TIMD4: variants seen among roughly 807,000 people sequenced by gnomAD.
TIMD4 encodes the protein T cell immunoglobulin and mucin domain containing 4.
A neutral mutation model predicts 41.2 loss-of-function variants in TIMD4; 31 were observed. The observed-to-expected ratio is 0.75, with a 90% confidence interval of 0.57 to 1.01. The LOEUF (loss-of-function observed/expected upper bound fraction) is 1.01, where lower values mean the gene tolerates loss of function less well. TIMD4 is among the 50% of genes least tolerant of loss of function. The pLI is 0.00. For missense variants in TIMD4, 479 were observed against 472.5 expected, an observed-to-expected ratio of 1.01 and a Z score of -0.13; for synonymous variants, 204 against 177.1, an observed-to-expected ratio of 1.15 and a Z score of -1.21.
At position 156,922,572 on chromosome 5, in the gene TIMD4, G is replaced by A. The variant is rs555896548; in HGVS notation, c.895-356C>T. ...CTGACTTAGGCTTCTAGAGAAAACA[G>A]GATGAAAGAGAAAATGAAACTTAAT... is the stretch of plus-strand genomic sequence containing the variant. On this transcript the variant is annotated intron_variant, in intron 6 of 8. Transcript: ENST00000274532. 5.3e-5 allele frequency among the ~76,000 whole-genome samples: 8 copies of A among 152,284 alleles called. No homozygotes were observed. The East Asian group carries it at 1.5e-3, about 29-fold the overall frequency.
chr5:156,920,205 A>G (rs1000728481), intron 8 of TIMD4, among the ~76,000 whole-genome samples: 1 of 152,208 alleles, frequency 6.6e-6, no homozygotes, highest in African/African-American at 2.4e-5. Flanking sequence ...GTAAAGTGCC[A>G]TATCACCTTC....
chr5:156,926,451 CTATT>C (rs1347976612), intron 5 of TIMD4, 139 bp from the exon 6 acceptor site: 2 of 780,634 alleles, frequency 2.6e-6, no homozygotes, highest in Non-Finnish European at 4.1e-6. Context: ...TTTGTATAAT[CTATT>C]TATGCATATT....
At position 156,951,007 on chromosome 5, in the gene TIMD4, T is replaced by TACACACACAC. The variant is rs3068099; in HGVS notation, c.679+495_679+504dup. The stretch of plus-strand genomic sequence containing the variant: ...ACAATTTGGTGAAAACACCTCCTCG[T>TACACACACAC]ACACACACACACACACACACACACC... On this transcript the variant is annotated intron_variant, in intron 3 of 8. Transcript: ENST00000274532. Among the ~76,000 whole-genome samples, 195 of 149,474 alleles carry TACACACACAC rather than the reference T, an allele frequency of 1.3e-3. 2 individuals carry two copies. Among genetic ancestry groups the TACACACACAC allele is most frequent in the African/African-American group, 3.7e-3 (151 of 40,876 alleles).
chr5:156,959,006 C>A (rs1760032981), intron 1 of TIMD4, among the ~76,000 whole-genome samples: 1 of 152,080 alleles, frequency 6.6e-6, no homozygotes, highest in South Asian at 2.1e-4. Context: ...TGGGCTCAGA[C>A]TTTTGAAAGT....
intron 5 of TIMD4, among the ~76,000 whole-genome samples, chr5:156,944,288 G>A (rs1381479497): frequency 6.6e-6 from 1 of 152,100 alleles, no homozygotes; most frequent in Non-Finnish European, 1.5e-5. Context: ...AGAATATTTA[G>A]AGAATTGAAT....
Position 156,924,309 on chromosome 5 carries a change from T to C in TIMD4, c.894+1954A>G, listed in dbSNP as rs1759306916. On this transcript the variant is annotated intron_variant, in intron 6 of 8. Transcript: ENST00000274532. ...CAAGGACCCAGCTTAGGAAAGCATC[T>C]CTCAGCTTTGACATTATCAAGAGCT... 8.7e-6 allele frequency: 3 copies of C among 345,524 alleles called. No individual in the cohort carries two copies. The Admixed American group carries it at 1.2e-4, about 13-fold the overall frequency. 21.4% of individuals were successfully genotyped at this position (345,524 alleles called of 1,614,324 possible).
chr5:156,961,520 T>C (rs186246991), intron 1 of TIMD4, among the ~76,000 whole-genome samples: 129 of 152,184 alleles, frequency 8.5e-4, no homozygotes, highest in African/African-American at 3.0e-3. Context: ...ATGTGGTATA[T>C]GGCCAGGTGC....
At chr5:156,952,195 C>T (rs2113385655) in intron 2 of TIMD4, among the ~76,000 whole-genome samples, 1 of 151,164 alleles carries the variant, frequency 6.6e-6, no homozygotes, top group South Asian at 2.1e-4. Context: ...GAGGCTGAGG[C>T]AGGAGAATCA....
Position 156,951,752 on chromosome 5 carries a change from G to C in TIMD4, c.439C>G (p.Arg147Gly), listed in dbSNP as rs138383727. ...GTGGGGCTTGTTGTTGTTGTTCTGC[G>C]TGTGGTGGTGGTTGCTGTTCTGTGC... ...TTHRTATTTT[R>G]RTTTTSPTTT... The change falls in exon 3 of 9, where the codon CGC becomes GGC. Residue 147 changes from arginine (R) to glycine (G), a missense_variant. By Grantham distance (125) the Arg-to-Gly change is moderately radical. Coordinates refer to ENST00000274532, the MANE Select transcript of TIMD4 (RefSeq NM_138379.3). The C allele has an allele frequency of 1.2e-6, 2 of 1,614,034 alleles. No homozygotes were observed. The highest frequency in any genetic ancestry group is 2.2e-5 in the East Asian group (1 of 44,876).
intron 1 of TIMD4, among the ~76,000 whole-genome samples, chr5:156,962,824 T>C (rs1282966843): frequency 6.6e-6 from 1 of 152,236 alleles, no homozygotes; most frequent in African/African-American, 2.4e-5. Context: ...ATTGATTATA[T>C]GAATAACACC....
At chr5:156,932,928 T>C (rs1487676292) in intron 5 of TIMD4, among the ~76,000 whole-genome samples, 1 of 151,870 alleles carries the variant, frequency 6.6e-6, no homozygotes, top group African/African-American at 2.4e-5. Flanking sequence ...GGCTTGAGCC[T>C]GGGAGGTGAA....
intron 5 of TIMD4, among the ~76,000 whole-genome samples, chr5:156,941,496 C>A (rs1179545335): frequency 6.6e-6 from 1 of 152,184 alleles, no homozygotes; most frequent in Admixed American, 6.5e-5. Context: ...TACATTTCTC[C>A]GTCTTTGCTC....
intron 3 of TIMD4, among the ~76,000 whole-genome samples, chr5:156,950,982 A>T (rs1478020531): frequency 6.7e-6 from 1 of 148,716 alleles, no homozygotes; most frequent in Non-Finnish European, 1.5e-5. Flanking sequence ...AAGAAAAGGA[A>T]CAATTTGGTG....
chr5:156,922,359 C>A, intron 6 of TIMD4, 143 bp from the exon 7 acceptor site: 2 of 754,682 alleles, frequency 2.7e-6, no homozygotes, highest in Non-Finnish European at 4.5e-6. Context: ...TCTGAAAACC[C>A]AAAACACGTG....
At chr5:156,938,045 C>T (rs1759571984) in intron 5 of TIMD4, among the ~76,000 whole-genome samples, 1 of 152,210 alleles carries the variant, frequency 6.6e-6, no homozygotes, top group African/African-American at 2.4e-5. Flanking sequence ...GGCAATTCCT[C>T]CTACAACTTT....
chr5:156,932,458 G>C (rs1390626499), intron 5 of TIMD4, among the ~76,000 whole-genome samples: 2 of 152,132 alleles, frequency 1.3e-5, no homozygotes, highest in African/African-American at 4.8e-5. Context: ...CTGCACAATA[G>C]ATATATACTG....
chr5:156,935,242 G>T (rs550544316), intron 5 of TIMD4, among the ~76,000 whole-genome samples: 1 of 151,610 alleles, frequency 6.6e-6, no homozygotes, highest in Non-Finnish European at 1.5e-5. Flanking sequence ...GTTCATTTGC[G>T]CAAGATTTTA....
chr5:156,921,616 C>CAAAAAAAAAAAAAAAAAAAAAAA (rs66842169), intron 7 of TIMD4, among the ~76,000 whole-genome samples: 1 of 47,252 alleles, frequency 2.1e-5, no homozygotes, highest in Non-Finnish European at 4.0e-5. Flanking sequence ...GAGACTCTCT[C>CAAAAAAAAAAAAAAAAAAAAAAA]AAAAAAAAAA....
At chr5:156,958,366 AAGGAAAGGAAAGGAAAGGAAAGGAT>A (rs1760019466) in intron 1 of TIMD4, among the ~76,000 whole-genome samples, 1 of 106,220 alleles carries the variant, frequency 9.4e-6, no homozygotes, top group South Asian at 3.7e-4. Flanking sequence ...AAGGAAAGGA[AAGGAAAGGAAAGGAAAGGAAAGGAT>A]CCAATAGAGA....
Sources: allele counts gnomAD v4.1 joint callset (sites outside exome capture counted in the v4.1 genomes callset), GRCh38; gene constraint gnomAD v4.1.1; transcripts MANE v1.5; gene names NCBI Gene and HGNC (gene_info 2026-07-23, HGNC 2026-07-21).